PDE12: variants seen among roughly 807,000 people sequenced by gnomAD.
PDE12 encodes 2',5'-phosphodiesterase 12.
A neutral mutation model predicts 45.4 loss-of-function variants in PDE12; 26 were observed. The ratio of observed to expected loss-of-function variants is 0.57; its 90% confidence interval spans 0.42 to 0.79. The LOEUF (loss-of-function observed/expected upper bound fraction) is 0.79, where lower values mean the gene tolerates loss of function less well. Among genes scored for constraint, PDE12 ranks in the 30% least tolerant of loss-of-function variants. The pLI, the probability that PDE12 is intolerant of heterozygous loss-of-function variation, is 0.00. For synonymous variants in PDE12, 283 were observed against 323.9 expected, an observed-to-expected ratio of 0.87 and a Z score of 1.36; for missense variants, 668 against 790.0, an observed-to-expected ratio of 0.85 and a Z score of 1.85.
the PDE12 span, among the ~76,000 whole-genome samples, chr3:57,622,983 A>C: frequency 1.6e-4 from 25 of 152,312 alleles, no homozygotes; most frequent in African/African-American, 6.0e-4. Context: ...GGGGGTGATG[A>C]ATATGTTCAC....
chr3:57,618,614 T>TTTTTG, the PDE12 span, among the ~76,000 whole-genome samples: 1 of 119,878 alleles, frequency 8.3e-6, no homozygotes, highest in Non-Finnish European at 1.8e-5. Context: ...TGTGTTTTTT[T>TTTTTG]TTTTTTTTTT....
chr3:57,591,831 G>T, the PDE12 span, among the ~76,000 whole-genome samples: 1 of 152,170 alleles, frequency 6.6e-6, no homozygotes, highest in Non-Finnish European at 1.5e-5. Flanking sequence ...CATAAATCAT[G>T]ATTCCATTAA....
the PDE12 span, among the ~76,000 whole-genome samples, chr3:57,640,944 AT>A: frequency 6.6e-6 from 1 of 151,940 alleles, no homozygotes; most frequent in Non-Finnish European, 1.5e-5. Context: ...AAGGTACTGT[AT>A]GTCTTTTCCA....
the PDE12 span, chr3:57,571,880 A>G: frequency 4.8e-6 from 1 of 210,172 alleles, no homozygotes; most frequent in Non-Finnish European, 9.5e-6. Context: ...TAGCAAGGGG[A>G]TAACTTTAAA....
the PDE12 span, among the ~76,000 whole-genome samples, chr3:57,648,330 A>G: frequency 6.6e-6 from 1 of 152,092 alleles, no homozygotes; most frequent in South Asian, 2.1e-4. Flanking sequence ...ATGACAAAAC[A>G]CTGCTGAAAA....
chr3:57,638,639 A>C, the PDE12 span, among the ~76,000 whole-genome samples: 1 of 152,090 alleles, frequency 6.6e-6, no homozygotes, highest in South Asian at 2.1e-4. Context: ...GCCAGGCAAC[A>C]GGGTGAGACT....
At chr3:57,577,529 T>TAA in the PDE12 span, 1 of 646,784 alleles carries the variant, frequency 1.5e-6, no homozygotes, top group Non-Finnish European at 2.7e-6. Context: ...GCTGTAATGC[T>TAA]AAAAGCTGAT....
At chr3:57,623,060 T>C in the PDE12 span, among the ~76,000 whole-genome samples, 1 of 152,228 alleles carries the variant, frequency 6.6e-6, no homozygotes, top group East Asian at 1.9e-4. Flanking sequence ...TTATACACTT[T>C]AAATATGTTC....
the PDE12 span, among the ~76,000 whole-genome samples, chr3:57,608,703 A>G: frequency 1.3e-5 from 2 of 152,122 alleles, no homozygotes; most frequent in South Asian, 4.2e-4. Flanking sequence ...CTAAATATAT[A>G]TGCACCCAAT....
the PDE12 span, chr3:57,598,180 ACTC>A: frequency 6.6e-6 from 1 of 151,144 alleles, no homozygotes; most frequent in African/African-American, 2.4e-5. Context: ...TGGCGCGGTG[ACTC>A]ACCGCGCCCG....
the PDE12 span, among the ~76,000 whole-genome samples, chr3:57,649,578 T>C: frequency 6.7e-6 from 1 of 148,914 alleles, no homozygotes; most frequent in African/African-American, 2.5e-5. Context: ...AGCAGCACAA[T>C]GCACAATTGC....
the PDE12 span, among the ~76,000 whole-genome samples, chr3:57,619,825 G>A: frequency 3.3e-5 from 5 of 151,838 alleles, no homozygotes; most frequent in Non-Finnish European, 5.9e-5. Flanking sequence ...ACTCCAGCCC[G>A]GGCAACAGAG....
the PDE12 span, among the ~76,000 whole-genome samples, chr3:57,650,785 ATT>A: frequency 5.6e-5 from 8 of 143,004 alleles, no homozygotes; most frequent in African/African-American, 7.7e-5. Flanking sequence ...TCCACATGGA[ATT>A]TTTTTTTTTT....
chr3:57,585,211 T>C, the PDE12 span, among the ~76,000 whole-genome samples: 1 of 152,142 alleles, frequency 6.6e-6, no homozygotes, highest in South Asian at 2.1e-4. Context: ...TCAGACAACA[T>C]GTAAGTGAAT....
At chr3:57,623,777 CA>C in the PDE12 span, among the ~76,000 whole-genome samples, 3 of 151,998 alleles carry the variant, frequency 2.0e-5, no homozygotes, top group Non-Finnish European at 4.4e-5. Flanking sequence ...CAATTTATAC[CA>C]TAATGTATTC....
the PDE12 span, among the ~76,000 whole-genome samples, chr3:57,655,747 TG>T: frequency 6.6e-6 from 1 of 152,114 alleles, no homozygotes; most frequent in Admixed American, 6.6e-5. Context: ...AATCCCCAAA[TG>T]CAAAAAAGTC....
At chr3:57,597,620 G>C in the PDE12 span, 1 of 156,302 alleles carries the variant, frequency 6.4e-6, no homozygotes, top group Non-Finnish European at 1.4e-5. Context: ...ACTGGGAGAC[G>C]GACAAAGTCC....
At chr3:57,612,319 A>G in the PDE12 span, among the ~76,000 whole-genome samples, 1 of 152,042 alleles carries the variant, frequency 6.6e-6, no homozygotes, top group Non-Finnish European at 1.5e-5. Context: ...GCAGCACACC[A>G]ACATGGCACA....
Position 57,556,596 on chromosome 3 carries a change from C to G in PDE12, c.217C>G (p.Arg73Gly). 6 of 1,612,856 alleles carry G rather than the reference C, an allele frequency of 3.7e-6. No homozygotes were observed. The highest frequency in any genetic ancestry group is 1.1e-5 in the South Asian group (1 of 91,058). ...MQRDQSEPLG[R>G]VLSRIATNAL... ...GCGCGACCAGAGCGAGCCGCTGGGT[C>G]GAGTCCTCAGCCGCATCGCTACCAA... Residue 73 changes from arginine to glycine, a missense_variant, in exon 1 of 3, where the codon CGA becomes GGA. Around this residue, in one of 3 missense-constraint regions of PDE12, gnomAD observed 580 missense variants for 662.9 expected, o/e 0.87. Transcript: ENST00000311180. This position sits in a 1 kb window ranked among gnomAD's most constrained non-coding sequence, Gnocchi z 5.0.
Sources: gnomAD v4.1 joint callset for allele counts (sites outside exome capture counted in the v4.1 genomes callset) on GRCh38, gnomAD v4.1.1 for gene constraint, gnomAD v4.1.1 regional missense constraint, Gnocchi (gnomAD v3.1) non-coding constraint, MANE v1.5 for transcripts, NCBI Gene and HGNC (gene_info 2026-07-23, HGNC 2026-07-21) for gene names.